EGLN2: variants seen among roughly 807,000 people sequenced by gnomAD.
The protein encoded by EGLN2 is prolyl hydroxylase EGLN2.
EGLN2 carries 15 observed loss-of-function variants against 38.2 expected under a neutral mutation model. The observed-to-expected ratio is 0.39, with a 90% CI of 0.26 to 0.60. The LOEUF is 0.60. Ranked by LOEUF, EGLN2 falls within the 20% of genes least tolerant of loss-of-function variation. The probability of loss-of-function intolerance (pLI) is 0.50; values close to 1 mark genes in which losing one functional copy is unlikely to be tolerated. For missense variants in EGLN2, 492 were observed against 570.4 expected (o/e 0.86, Z 1.40); for synonymous variants, 284 against 237.4 (o/e 1.20, Z -1.81).
chr19:40,801,538 TC>T, intron 2 of EGLN2, 123 bp downstream of exon 2: 1 of 1,385,498 alleles, frequency 7.2e-7, no homozygotes, highest in Non-Finnish European at 9.7e-7. Context: ...TTTAGGCAGT[TC>T]AGTGGAGTGG....
At chr19:40,801,939 T>A (rs1039761867) in intron 2 of EGLN2, among the ~76,000 whole-genome samples, 2 of 152,062 alleles carry the variant, frequency 1.3e-5, no homozygotes, top group Non-Finnish European at 2.9e-5. Context: ...CTTAAACTCA[T>A]GAGAGCTGCT....
At chr19:40,804,046 G>A (rs1274100744) in intron 2 of EGLN2, 1 of 152,214 alleles carries the variant, frequency 6.6e-6, no homozygotes, top group Non-Finnish European at 1.5e-5. Context: ...GGAAGGGTGG[G>A]GCCCTAAAGA....
chr19:40,803,335 C>A (rs11666504), intron 2 of EGLN2: 13 of 152,134 alleles, frequency 8.5e-5, no homozygotes, highest in African/African-American at 2.4e-4. Context: ...AGGGCCCCAG[C>A]GAGGATTGGG....
chr19:40,803,510 C>A (rs554116123), intron 2 of EGLN2, among the ~76,000 whole-genome samples: 18 of 152,290 alleles, frequency 1.2e-4, no homozygotes, highest in Non-Finnish European at 7.3e-5. Context: ...TCTGGACTCT[C>A]TCCTGTACTC....
intron 2 of EGLN2, chr19:40,804,385 C>A (rs143350266): frequency 6.6e-6 from 1 of 152,652 alleles, no homozygotes; most frequent in Non-Finnish European, 1.5e-5. Flanking sequence ...GAAGAGTGTC[C>A]CAGGCCAGTG....
intron 3 of EGLN2, 49 bp from the exon 4 acceptor site, chr19:40,807,086 GGCA>G: frequency 1.2e-6 from 2 of 1,603,158 alleles, no homozygotes; most frequent in South Asian, 2.2e-5. Context: ...CACCGTGGGA[GGCA>G]GCGGCTCCTG....
At chr19:40,801,716 G>C (rs2145082931) in intron 2 of EGLN2, among the ~76,000 whole-genome samples, 1 of 147,870 alleles carries the variant, frequency 6.8e-6, no homozygotes, top group East Asian at 2.0e-4. Flanking sequence ...TTCTCGCAGA[G>C]GGGGATTTGG....
rs1269128939 is a variant in EGLN2 at position 40,800,730 on chromosome 19, T to C, written c.158T>C (p.Val53Ala). 1.5e-5 allele frequency: 24 copies of C among 1,613,540 alleles called. No individual in the cohort carries two copies. Among genetic ancestry groups the C allele is most frequent in the Non-Finnish European group, 2.0e-5 (24 of 1,179,710 alleles). ...PLLPSYHCPG[V>A]PSEASAGSGT... Reference sequence around the variant, plus strand: ...CTCCCCTCCTACCACTGTCCAGGAGTGCCTAGTGAGGCCTCGGCAGGGAGT... The same window carrying C: ...CTCCCCTCCTACCACTGTCCAGGAGCGCCTAGTGAGGCCTCGGCAGGGAGT... The change falls in exon 2 of 6, where the codon GTG becomes GCG. Residue 53 changes from valine (V) to alanine (A), a missense_variant. Val to Ala is a moderately conservative substitution (Grantham distance 64). Coordinates refer to ENST00000303961, the MANE Select transcript of EGLN2 (RefSeq NM_080732.4).
chr19:40,806,791 C>G (rs955543048), intron 3 of EGLN2, 117 bp downstream of exon 3: 2 of 1,396,252 alleles, frequency 1.4e-6, no homozygotes, highest in African/African-American at 2.8e-5. Context: ...TGTTTCTCTT[C>G]TCAACACACA....
Position 40,800,977 on chromosome 19 carries a change from C to T in EGLN2, c.405C>T (p.Pro135=). ...ATGCCCCTTCACCCAGCAAACGGCC[C>T]TGGGCCAGGCAAGAGAACCAGGAGG... ...GGDAPSPSKR[P]WARQENQEAE... Residue 135 remains proline (P), a synonymous_variant, in exon 2 of 6, where the codon CCC becomes CCT. Transcript: ENST00000303961. 1.2e-6 allele frequency: 2 copies of T among 1,612,352 alleles called. No individual in the cohort carries two copies. Among genetic ancestry groups the T allele is most frequent in the Non-Finnish European group, 1.7e-6 (2 of 1,179,524 alleles).
rs1249332602 is a variant in EGLN2 at position 40,801,264 on chromosome 19, C to A, written c.692C>A (p.Pro231Gln). The A allele has an allele frequency of 6.2e-7, 1 of 1,613,042 alleles. No homozygotes were observed. The highest frequency in any genetic ancestry group is 8.5e-7 in the Non-Finnish European group (1 of 1,179,992). ...DGQLVSQRAIPPRSIRGDQIA... is the reference protein window; with the variant it reads ...DGQLVSQRAIQPRSIRGDQIA... ...CAGCTAGTGAGCCAGAGGGCGATCC[C>A]GCCGCGCAGCATCCGTGGGGACCAG... is the stretch of plus-strand genomic sequence containing the variant. Residue 231 changes from proline (P) to glutamine (Q), a missense_variant, in exon 2 of 6, where the codon CCG (proline) becomes CAG (glutamine). Physicochemically the swap from Pro to Gln is moderately conservative, Grantham distance 76. Transcript: ENST00000303961.
At chr19:40,802,173 G>T (rs1025173921) in intron 2 of EGLN2, among the ~76,000 whole-genome samples, 6 of 152,292 alleles carry the variant, frequency 3.9e-5, no homozygotes, top group East Asian at 3.9e-4. Flanking sequence ...GAAGCAGAAG[G>T]GGGAGGGTGG....
At position 40,806,566 on chromosome 19, in the gene EGLN2, G is replaced by T; in HGVS notation, c.855G>T (p.Ala285=). Residue 285 remains alanine (A), a synonymous_variant, in exon 3 of 6, where the codon GCG becomes GCT. Transcript: ENST00000303961. The part of the protein sequence containing the change: ...VINGRTKAMV[A]CYPGNGLGYV... The stretch of plus-strand genomic sequence containing the variant: ...TCCATCCCTGCCAGGCCATGGTGGC[G>T]TGTTACCCAGGCAACGGGCTCGGGT... The T allele has an allele frequency of 6.2e-7, 1 of 1,614,128 alleles. No individual in the cohort carries two copies. The highest frequency in any genetic ancestry group is 8.5e-7 in the Non-Finnish European group (1 of 1,179,990).
chr19:40,806,942 C>A, intron 3 of EGLN2, 196 bp from the exon 4 acceptor site: 2 of 997,766 alleles, frequency 2.0e-6, no homozygotes, highest in Non-Finnish European at 2.9e-6. Context: ...CACTTTCCCC[C>A]TTTTCCTGTC....
chr19:40,807,726 G>A, intron 5 of EGLN2, 83 bp from the exon 6 acceptor site: 2 of 1,515,086 alleles, frequency 1.3e-6, no homozygotes, highest in Non-Finnish European at 1.8e-6. Flanking sequence ...TTTCTTCCTG[G>A]TCCTCTCCCC....
Position 40,801,309 on chromosome 19 carries a change from A to G in EGLN2, c.737A>G (p.His246Arg), listed in dbSNP as rs747632508. ...GACCAGATTGCCTGGGTGGAAGGCC[A>G]TGAACCAGGCTGTCGAAGCATTGGT... ...RGDQIAWVEG[H>R]EPGCRSIGAL... The change falls in exon 2 of 6, where the codon CAT becomes CGT. Residue 246 changes from histidine (H) to arginine (R), a missense_variant. By Grantham distance (29) the His-to-Arg change is conservative. This residue lies in a region of EGLN2 where 378 missense variants were observed against 386.2 expected (regional missense o/e 0.98). Coordinates refer to ENST00000303961, the MANE Select transcript of EGLN2 (RefSeq NM_080732.4). The G allele has an allele frequency of 6.8e-6, 11 of 1,612,972 alleles. No homozygotes were observed. Among genetic ancestry groups the G allele is most frequent in the African/African-American group, 6.7e-5 (5 of 74,958 alleles).
intron 2 of EGLN2, among the ~76,000 whole-genome samples, chr19:40,802,448 C>G (rs1422325454): frequency 2.0e-5 from 3 of 152,248 alleles, no homozygotes; most frequent in South Asian, 2.1e-4. Context: ...GTCTCTTCCT[C>G]TGCCTTTATG....
intron 2 of EGLN2, chr19:40,804,721 C>T (rs1023503257): frequency 6.6e-6 from 1 of 152,304 alleles, no homozygotes; most frequent in African/African-American, 2.4e-5. Flanking sequence ...CCCAATTCTT[C>T]TCCCAGTGAG....
rs563814138 is a variant in EGLN2, at chr19:40,800,442, C to T, written c.-131C>T. ...GAAGAGCTCTTGCTGTCTGCCCTGC[C>T]TCACCCTGCCCCACGCCAGGCCCGG... On this transcript the variant is annotated 5_prime_UTR_variant, in exon 2 of 6. Coordinates refer to ENST00000303961, the MANE Select transcript of EGLN2 (RefSeq NM_080732.4). 6.0e-5 allele frequency: 82 copies of T among 1,374,080 alleles called. No homozygotes were observed. In the Admixed American group the frequency reaches 9.3e-4, roughly 16 times the overall value. The allele number at this position is 1,374,080 out of a possible 1,614,324, so 85.1% of individuals were successfully genotyped here.
Sources: gnomAD v4.1 joint callset for allele counts (sites outside exome capture counted in the v4.1 genomes callset) on GRCh38, gnomAD v4.1.1 for gene constraint, gnomAD v4.1.1 regional missense constraint, MANE v1.5 for transcripts, NCBI Gene and HGNC (gene_info 2026-07-23, HGNC 2026-07-21) for gene names.